ABHD12: variants seen among roughly 807,000 people sequenced by gnomAD.
The protein encoded by ABHD12 is abhydrolase domain containing 12, lysophospholipase, also known as lysophosphatidylserine lipase ABHD12.
In ABHD12, 43 loss-of-function variants were observed where a neutral mutation model predicts 58.3. The ratio of observed to expected loss-of-function variants is 0.74; its 90% CI spans 0.58 to 0.95. ABHD12 has a LOEUF of 0.95. ABHD12 is among the 40% of genes least tolerant of loss of function. ABHD12 has a pLI of 0.00. For synonymous variants in ABHD12, 219 were observed against 211.2 expected (o/e 1.04, Z -0.32); for missense variants, 539 against 537.2 (o/e 1.00, Z -0.03).
At chr20:25,319,725 C>T (rs1221460383) in intron 4 of ABHD12, among the ~76,000 whole-genome samples, 1 of 152,174 alleles carries the variant, frequency 6.6e-6, no homozygotes, top group Non-Finnish European at 1.5e-5. Context: ...CTCGGAGGGA[C>T]CCCAAAGCCC....
At chr20:25,299,257 C>T (rs996524779), downstream of ABHD12, among the ~76,000 whole-genome samples, 1 of 152,030 alleles carries the variant, frequency 6.6e-6, no homozygotes, top group African/African-American at 2.4e-5. Flanking sequence ...ATTAGCTGGG[C>T]GTGGTGGCAC....
In ABHD12 at chr20:25,294,953, G is replaced by A. The variant is rs776684266; in HGVS notation, c.*20C>T. 2.4e-5 allele frequency: 39 copies of A among 1,613,840 alleles called. 1 individual carries two copies. The East Asian group carries it at 6.7e-4, about 28-fold the overall frequency. On this transcript the variant is annotated 3_prime_UTR_variant, in exon 13 of 13. Coordinates refer to the ABHD12 transcript ENST00000376542. ...TTTTGTCTGCTGCTCTTCGATGACCGTGTCACCTGTTGGCTTCAGTCACAC... is the reference window on the plus strand; with the variant it reads ...TTTTGTCTGCTGCTCTTCGATGACCATGTCACCTGTTGGCTTCAGTCACAC...
At position 25,308,454 on chromosome 20, in the gene ABHD12, C is replaced by T. The variant is rs202150912; in HGVS notation, c.787+3G>A. On this transcript the variant is annotated splice_donor_region_variant and intron_variant, in intron 8 of 12. Transcript: ENST00000339157. ...CACGGCTGGGGCCCAACAAGGCACT[C>T]ACCTCGCTCACAGAGGCGCCGCACC... 499 of 1,611,406 alleles carry T rather than the reference C, an allele frequency of 3.1e-4. 4 individuals are homozygous for T. The Middle Eastern group carries it at 4.4e-3, about 14-fold the overall frequency.
At chr20:25,336,632 G>A (rs995323189) in intron 2 of ABHD12, among the ~76,000 whole-genome samples, 3 of 152,158 alleles carry the variant, frequency 2.0e-5, no homozygotes, top group East Asian at 1.9e-4. Context: ...CCTCCTCGGC[G>A]ACGCAGACAG....
chr20:25,365,142 T>A (rs1389638829), intron 1 of ABHD12, among the ~76,000 whole-genome samples: 2 of 152,282 alleles, frequency 1.3e-5, no homozygotes, highest in Non-Finnish European at 2.9e-5. Flanking sequence ...CATGCTCATT[T>A]TTGTTTCTAG....
At chr20:25,376,684 G>T (rs7266057) in intron 1 of ABHD12, among the ~76,000 whole-genome samples, 1 of 152,086 alleles carries the variant, frequency 6.6e-6, no homozygotes, top group East Asian at 1.9e-4. Flanking sequence ...CTTTGTTGCC[G>T]TGTTTCTCCT....
chr20:25,362,676 T>A (rs1184285951), intron 1 of ABHD12, among the ~76,000 whole-genome samples: 5 of 151,550 alleles, frequency 3.3e-5, no homozygotes, highest in Non-Finnish European at 5.9e-5. Flanking sequence ...TGTTTTTTTT[T>A]TTGTCGTTGT....
At chr20:25,342,584 C>A (rs1481973038) in intron 1 of ABHD12, among the ~76,000 whole-genome samples, 1 of 151,696 alleles carries the variant, frequency 6.6e-6, no homozygotes, top group Non-Finnish European at 1.5e-5. Context: ...TATTTTTTAC[C>A]GGTAAAGTTT....
In ABHD12 at chr20:25,307,957, T is replaced by G. The variant is rs2088775782; in HGVS notation, c.867+9A>C. 2 of 1,523,018 alleles carry G rather than the reference T, an allele frequency of 1.3e-6. No homozygotes were observed. Among genetic ancestry groups the G allele is most frequent in the Non-Finnish European group, 1.8e-6 (2 of 1,097,970 alleles). The allele number at this position is 1,523,018 out of a possible 1,614,324, so 94.3% of individuals were successfully genotyped here. A position where few individuals can be genotyped will look rare whatever the true frequency, so the allele number is the denominator to read the frequency against. ...TGAAAAGTTAATTTTTAATAAAATC[T>G]GTACTTGCCACTGAAAATGGATGGC... is the stretch of plus-strand genomic sequence containing the variant. On this transcript the variant is annotated intron_variant, in intron 9 of 12. Transcript: ENST00000339157.
chr20:25,343,452 T>C (rs1327735545), intron 1 of ABHD12, among the ~76,000 whole-genome samples: 1 of 152,136 alleles, frequency 6.6e-6, no homozygotes, highest in Non-Finnish European at 1.5e-5. Context: ...CTTGGGAGGC[T>C]GAGGCAGCAG....
chr20:25,368,453 T>C, intron 1 of ABHD12: 15 of 1,594,866 alleles, frequency 9.4e-6, no homozygotes, highest in African/African-American at 1.3e-5. Context: ...ACCGTTTGTG[T>C]TGGGTCCAGC....
chr20:25,355,309 TA>T (rs1045137897), intron 1 of ABHD12, among the ~76,000 whole-genome samples: 4 of 151,910 alleles, frequency 2.6e-5, no homozygotes, highest in African/African-American at 9.7e-5. Context: ...ACAAAGATTT[TA>T]AAAAACAGAC....
At chr20:25,319,942 A>C (rs929661536) in intron 4 of ABHD12, among the ~76,000 whole-genome samples, 3 of 152,208 alleles carry the variant, frequency 2.0e-5, no homozygotes, top group Non-Finnish European at 4.4e-5. Context: ...CCCACGGAAC[A>C]CAGCCGTGCT....
chr20:25,364,447 G>C (rs891328825), intron 1 of ABHD12, among the ~76,000 whole-genome samples: 1 of 152,180 alleles, frequency 6.6e-6, no homozygotes, highest in African/African-American at 2.4e-5. Flanking sequence ...GGCAGAGATC[G>C]CAGAGCAGAG....
At chr20:25,307,915 A>G in intron 9 of ABHD12, 51 bp downstream of exon 9, 1 of 943,530 alleles carries the variant, frequency 1.1e-6, no homozygotes, top group African/African-American at 1.6e-5. Context: ...AGTTATTTCT[A>G]TAATTTATCT....
intron 5 of ABHD12, among the ~76,000 whole-genome samples, chr20:25,315,208 C>T (rs1419105903): frequency 6.6e-6 from 1 of 152,158 alleles, no homozygotes; most frequent in Non-Finnish European, 1.5e-5. Context: ...CTCTCCCTTC[C>T]TCCTGCTTAG....
chr20:25,356,271 C>T (rs534319673), intron 1 of ABHD12, among the ~76,000 whole-genome samples: 12 of 152,328 alleles, frequency 7.9e-5, no homozygotes, highest in East Asian at 3.9e-4. Context: ...TTGCTTCCCA[C>T]GGGGGCACAG....
intron 1 of ABHD12, among the ~76,000 whole-genome samples, chr20:25,359,423 C>CAAAAAAAAAAAA (rs565367954): frequency 1.6e-4 from 10 of 63,112 alleles, no homozygotes; most frequent in African/African-American, 4.2e-4. Context: ...GACTCCGTCT[C>CAAAAAAAAAAAA]AAAAAAAAAA....
At chr20:25,296,467 G>C, downstream of ABHD12, 1 of 1,613,942 alleles carries the variant, frequency 6.2e-7, no homozygotes, top group Admixed American at 1.7e-5. Flanking sequence ...CGGGAGATCT[G>C]GGGTGTGGAG....
Sources: allele counts gnomAD v4.1 joint callset (sites outside exome capture counted in the v4.1 genomes callset), GRCh38; gene constraint gnomAD v4.1.1; transcripts MANE v1.5; gene names NCBI Gene and HGNC (gene_info 2026-07-23, HGNC 2026-07-21).